Variants in GALNT13 observed in about 807,000 individuals in gnomAD.
GALNT13 encodes the protein UDP-GalNAc:polypeptide N-acetylgalactosaminyltransferase 13.
Under a neutral mutation model 64.2 loss-of-function variants are expected in GALNT13, and 28 were observed. The ratio of observed to expected loss-of-function variants is 0.44; its 90% CI spans 0.32 to 0.60. GALNT13 has a LOEUF of 0.60. Among genes scored for constraint, GALNT13 ranks in the 20% least tolerant of loss-of-function variants. The pLI, the probability that GALNT13 is intolerant of heterozygous loss-of-function variation, is 0.05. For synonymous variants in GALNT13, 214 were observed against 224.6 expected, an observed-to-expected ratio of 0.95 and a Z score of 0.42; for missense variants, 577 against 669.8, an observed-to-expected ratio of 0.86 and a Z score of 1.53.
At chr2:154,289,540 A>C (rs1692479866) in intron 8 of GALNT13, among the ~76,000 whole-genome samples, 1 of 151,824 alleles carries the variant, frequency 6.6e-6, no homozygotes. Context: ...ATCAGATCTC[A>C]TGAGACTTAC....
chr2:154,089,133 C>T (rs1701673865), intron 3 of GALNT13, among the ~76,000 whole-genome samples: 1 of 152,076 alleles, frequency 6.6e-6, no homozygotes, highest in Admixed American at 6.6e-5. Flanking sequence ...GTTTAACCTT[C>T]CCCACACTTT....
At chr2:153,800,084 C>CTCTCTCTCTCT in the GALNT13 span, among the ~76,000 whole-genome samples, 62 of 145,446 alleles carry the variant, frequency 4.3e-4, no homozygotes, top group East Asian at 7.9e-4. Flanking sequence ...CTCTCTCTCT[C>CTCTCTCTCTCT]CACCCCCCAC....
At chr2:154,340,976 A>T (rs1432793042) in intron 9 of GALNT13, among the ~76,000 whole-genome samples, 1 of 152,016 alleles carries the variant, frequency 6.6e-6, no homozygotes, top group East Asian at 1.9e-4. Flanking sequence ...GTATGTGTAC[A>T]TTTATGCATA....
intron 3 of GALNT13, among the ~76,000 whole-genome samples, chr2:153,955,350 A>G (rs1205073165): frequency 6.6e-6 from 1 of 152,184 alleles, no homozygotes; most frequent in Non-Finnish European, 1.5e-5. Flanking sequence ...CTTGAATAAG[A>G]GTTAAGAGGC....
intron 2 of GALNT13, among the ~76,000 whole-genome samples, chr2:153,913,418 C>T (rs910331708): frequency 1.3e-5 from 2 of 152,134 alleles, no homozygotes; most frequent in South Asian, 4.1e-4. Context: ...GGCAAAACAG[C>T]CCTTCAGAGT....
the GALNT13 span, among the ~76,000 whole-genome samples, chr2:153,156,579 A>G: frequency 2.0e-5 from 3 of 152,160 alleles, no homozygotes; most frequent in Admixed American, 6.6e-5. Flanking sequence ...AGACACTTCT[A>G]GTAGATTTGA....
chr2:154,370,958 G>A (rs1697653143), intron 9 of GALNT13, among the ~76,000 whole-genome samples: 1 of 151,974 alleles, frequency 6.6e-6, no homozygotes, highest in Non-Finnish European at 1.5e-5. Flanking sequence ...AACCAAAGAT[G>A]GCTATAAAGT....
At chr2:153,154,490 T>A in the GALNT13 span, among the ~76,000 whole-genome samples, 3 of 152,272 alleles carry the variant, frequency 2.0e-5, no homozygotes, top group South Asian at 2.1e-4. Context: ...TTCCTAGGTA[T>A]TTTTTTCTTT....
chr2:154,403,773 G>C (rs768287084), intron 10 of GALNT13, among the ~76,000 whole-genome samples: 12 of 152,078 alleles, frequency 7.9e-5, no homozygotes, highest in Non-Finnish European at 1.3e-4. Flanking sequence ...CCTCTGGTTA[G>C]CTCTGTTTAA....
At chr2:154,388,445 GTCAAA>G (rs1312233965) in intron 9 of GALNT13, among the ~76,000 whole-genome samples, 3 of 152,244 alleles carry the variant, frequency 2.0e-5, no homozygotes, top group Non-Finnish European at 2.9e-5. Flanking sequence ...TGCATTTACA[GTCAAA>G]TCAAACAATT....
intron 10 of GALNT13, 22 bp from the exon 11 acceptor site, chr2:154,408,962 C>A (rs773276211): frequency 6.3e-6 from 9 of 1,419,256 alleles, no homozygotes; most frequent in East Asian, 2.3e-5. Context: ...TTTATCCCCC[C>A]CCTTTTGTGT....
At chr2:153,690,502 C>A in the GALNT13 span, among the ~76,000 whole-genome samples, 16 of 152,142 alleles carry the variant, frequency 1.1e-4, no homozygotes, top group East Asian at 2.7e-3. Flanking sequence ...CTGGGTACGA[C>A]CTTAAAAATT....
At chr2:153,598,765 G>A in the GALNT13 span, among the ~76,000 whole-genome samples, 3 of 152,018 alleles carry the variant, frequency 2.0e-5, no homozygotes, top group Non-Finnish European at 2.9e-5. Flanking sequence ...ATTAGTAATA[G>A]CTGTTTAAAT....
intron 3 of GALNT13, among the ~76,000 whole-genome samples, chr2:154,044,701 A>G (rs1699191833): frequency 6.6e-6 from 1 of 152,224 alleles, no homozygotes. Context: ...TATTGCAGAC[A>G]GAATGAAGGG....
intron 7 of GALNT13, 58 bp from the exon 8 acceptor site, chr2:154,258,963 T>C: frequency 1.1e-6 from 1 of 903,590 alleles, no homozygotes; most frequent in Non-Finnish European, 1.8e-6. Flanking sequence ...ACAGTCTCAT[T>C]AAACTCCATA....
At chr2:154,172,142 T>G (rs1168560632) in intron 4 of GALNT13, among the ~76,000 whole-genome samples, 2 of 152,008 alleles carry the variant, frequency 1.3e-5, no homozygotes, top group Admixed American at 6.6e-5. Flanking sequence ...TGACCATGTC[T>G]AATAAAAATA....
chr2:153,794,279 T>C, the GALNT13 span, among the ~76,000 whole-genome samples: 1 of 152,324 alleles, frequency 6.6e-6, no homozygotes, highest in Non-Finnish European at 1.5e-5. Flanking sequence ...GGTAATATTT[T>C]AGTGTTCTAC....
the GALNT13 span, among the ~76,000 whole-genome samples, chr2:153,422,563 A>T: frequency 1.6e-3 from 250 of 152,328 alleles, no homozygotes; most frequent in African/African-American, 5.6e-3. Context: ...CAATAAAAAA[A>T]TACAGAAACA....
the GALNT13 span, among the ~76,000 whole-genome samples, chr2:153,390,608 TAATC>T: frequency 6.6e-6 from 1 of 152,136 alleles, no homozygotes; most frequent in Non-Finnish European, 1.5e-5. Flanking sequence ...CAGAAAGCAA[TAATC>T]AATATTAGTA....
Sources: allele counts gnomAD v4.1 joint callset (sites outside exome capture counted in the v4.1 genomes callset), GRCh38; gene constraint gnomAD v4.1.1; transcripts MANE v1.5; gene names NCBI Gene and HGNC (gene_info 2026-07-23, HGNC 2026-07-21).